The following MIPEP variants were observed in gnomAD, a reference collection of about 807,000 sequenced individuals.
MIPEP encodes the protein mitochondrial intermediate peptidase.
A neutral mutation model predicts 90.3 loss-of-function variants in MIPEP; 79 were observed. That is an observed-to-expected ratio of 0.87 (90% CI 0.73 to 1.05). The LOEUF (loss-of-function observed/expected upper bound fraction) is 1.05, where lower values mean the gene tolerates loss of function less well. Among genes scored for constraint, MIPEP ranks in the 50% least tolerant of loss-of-function variants. The probability of loss-of-function intolerance (pLI) is 0.00; values close to 1 mark genes in which losing one functional copy is unlikely to be tolerated. For missense variants in MIPEP, 940 were observed against 905.6 expected (o/e 1.04, Z -0.49); for synonymous variants, 334 against 315.8 (o/e 1.06, Z -0.61).
At chr13:23,836,873 A>AT (rs1317263776) in intron 13 of MIPEP, among the ~76,000 whole-genome samples, 5 of 152,232 alleles carry the variant, frequency 3.3e-5, no homozygotes, top group African/African-American at 9.6e-5. Context: ...ACATTTAACG[A>AT]TTGTGTTCAG....
intron 9 of MIPEP, among the ~76,000 whole-genome samples, chr13:23,859,242 C>T (rs1870183415): frequency 6.6e-6 from 1 of 152,042 alleles, no homozygotes; most frequent in African/African-American, 2.4e-5. Flanking sequence ...AAATGTAACC[C>T]ATGTATTAAT....
intron 16 of MIPEP, chr13:23,766,173 GTTCT>G (rs1010472037): frequency 5.9e-5 from 9 of 152,194 alleles, no homozygotes; most frequent in African/African-American, 2.2e-4. Flanking sequence ...TTTAAAAATA[GTTCT>G]TTGACTACAT....
chr13:23,753,045 T>C (rs1039040698), intron 18 of MIPEP, among the ~76,000 whole-genome samples: 3 of 151,956 alleles, frequency 2.0e-5, no homozygotes, highest in African/African-American at 7.3e-5. Flanking sequence ...CTGGCCAACA[T>C]GGCAAAATCC....
intron 18 of MIPEP, among the ~76,000 whole-genome samples, chr13:23,743,194 CT>C (rs1255371204): frequency 6.6e-6 from 1 of 152,192 alleles, no homozygotes; most frequent in East Asian, 1.9e-4. Context: ...TTTAATGGCT[CT>C]TTTTTCTGCT....
At chr13:23,888,137 A>T in intron 1 of MIPEP, 1 of 439,764 alleles carries the variant, frequency 2.3e-6, no homozygotes, top group Non-Finnish European at 4.5e-6. Context: ...AAAATTAGTT[A>T]TATCTCATCC....
chr13:23,846,955 C>T (rs1869572335), intron 10 of MIPEP, among the ~76,000 whole-genome samples: 1 of 152,094 alleles, frequency 6.6e-6, no homozygotes. Context: ...TACTATCACC[C>T]TATGTTACAA....
At chr13:23,862,168 T>C in intron 9 of MIPEP, 134 bp downstream of exon 9, 1 of 644,554 alleles carries the variant, frequency 1.6e-6, no homozygotes, top group Non-Finnish European at 2.8e-6. Flanking sequence ...AACATCTTTA[T>C]TCACCAAAAC....
chr13:23,870,419 G>A (rs1870746363), intron 5 of MIPEP, among the ~76,000 whole-genome samples: 1 of 151,602 alleles, frequency 6.6e-6, no homozygotes, highest in Non-Finnish European at 1.5e-5. Flanking sequence ...TCATACTTAT[G>A]GTTTTCTGAT....
intron 17 of MIPEP, 62 bp from the exon 18 acceptor site, chr13:23,756,680 G>C: frequency 6.6e-7 from 1 of 1,523,390 alleles, no homozygotes; most frequent in Non-Finnish European, 9.0e-7. Flanking sequence ...CACTTGTCTT[G>C]AATTCTCAAA....
At chr13:23,881,585 C>T in intron 3 of MIPEP, 114 bp downstream of exon 3, 1 of 880,368 alleles carries the variant, frequency 1.1e-6, no homozygotes, top group South Asian at 1.5e-5. Flanking sequence ...ACACACACCT[C>T]CCACCCTGCT....
chr13:23,838,647 A>C (rs1335808656), intron 12 of MIPEP, among the ~76,000 whole-genome samples: 1 of 152,180 alleles, frequency 6.6e-6, no homozygotes, highest in Non-Finnish European at 1.5e-5. Flanking sequence ...AGGATTATTA[A>C]ATAACATGTC....
At chr13:23,869,156 A>C (rs1219413608) in intron 7 of MIPEP, 136 bp downstream of exon 7, 1 of 785,680 alleles carries the variant, frequency 1.3e-6, no homozygotes, top group Non-Finnish European at 1.9e-6. Flanking sequence ...GTTCCTATAA[A>C]AATACATAGA....
intron 18 of MIPEP, among the ~76,000 whole-genome samples, chr13:23,755,959 G>C (rs1424674289): frequency 6.6e-6 from 1 of 151,558 alleles, no homozygotes; most frequent in African/African-American, 2.4e-5. Flanking sequence ...AAAATCTAAA[G>C]GAAAATTTTC....
chr13:23,741,857 A>G (rs926486715), intron 18 of MIPEP, among the ~76,000 whole-genome samples: 1 of 152,206 alleles, frequency 6.6e-6, no homozygotes, highest in African/African-American at 2.4e-5. Context: ...AAAGCTAGTC[A>G]TATTCTTACA....
intron 16 of MIPEP, among the ~76,000 whole-genome samples, chr13:23,790,837 T>A (rs540319838): frequency 6.6e-6 from 1 of 152,350 alleles, no homozygotes; most frequent in East Asian, 1.9e-4. Flanking sequence ...ACAGCAACAA[T>A]AGGCAACTAA....
chr13:23,882,408 G>T (rs1871307107), intron 2 of MIPEP, among the ~76,000 whole-genome samples: 1 of 151,604 alleles, frequency 6.6e-6, no homozygotes, highest in Non-Finnish European at 1.5e-5. Context: ...CTACATTCTA[G>T]TCTTTGATTT....
At chr13:23,764,999 T>C (rs1001407157) in intron 16 of MIPEP, among the ~76,000 whole-genome samples, 8 of 152,224 alleles carry the variant, frequency 5.3e-5, no homozygotes, top group African/African-American at 1.9e-4. Flanking sequence ...GATCCACTTA[T>C]ATGTGGATTT....
intron 16 of MIPEP, among the ~76,000 whole-genome samples, chr13:23,780,270 A>G (rs1952766247): frequency 6.6e-6 from 1 of 152,186 alleles, no homozygotes; most frequent in Non-Finnish European, 1.5e-5. Context: ...CAGAGGAATG[A>G]TCAAGCAGGA....
intron 18 of MIPEP, among the ~76,000 whole-genome samples, chr13:23,740,035 G>A (rs953926791): frequency 3.9e-5 from 6 of 152,212 alleles, no homozygotes; most frequent in African/African-American, 1.4e-4. Flanking sequence ...TTGCTTTAGA[G>A]CAGTGGTTTA....
Sources: gnomAD v4.1 joint callset for allele counts (sites outside exome capture counted in the v4.1 genomes callset) on GRCh38, gnomAD v4.1.1 for gene constraint, MANE v1.5 for transcripts, NCBI Gene and HGNC (gene_info 2026-07-23, HGNC 2026-07-21) for gene names.